PDE4D: variants seen among roughly 807,000 people sequenced by gnomAD.
PDE4D encodes the protein 3',5'-cyclic-AMP phosphodiesterase 4D.
PDE4D carries 24 observed loss-of-function variants against 87.4 expected under a neutral mutation model. That is an observed-to-expected ratio of 0.27 (90% CI 0.20 to 0.39). The LOEUF is 0.39. Among genes scored for constraint, PDE4D ranks in the 10% least tolerant of loss-of-function variants. The pLI, the probability that PDE4D is intolerant of heterozygous loss-of-function variation, is 1.00. For missense variants in PDE4D, 714 were observed against 1,041.0 expected (o/e 0.69, Z 4.32); for synonymous variants, 384 against 383.2 (o/e 1.00, Z -0.02).
intron 2 of PDE4D, among the ~76,000 whole-genome samples, chr5:60,013,104 G>T (rs1388287282): frequency 6.6e-6 from 1 of 152,042 alleles, no homozygotes; most frequent in Non-Finnish European, 1.5e-5. Flanking sequence ...ATCTGGTTTA[G>T]ATTCATGAGT....
chr5:59,066,526 A>G (rs1437336339), intron 5 of PDE4D, among the ~76,000 whole-genome samples: 1 of 152,154 alleles, frequency 6.6e-6, no homozygotes, highest in African/African-American at 2.4e-5. Flanking sequence ...GGCTGCAGAG[A>G]TGGGCTGGAG....
At chr5:59,760,560 T>A (rs1355084084) in intron 1 of PDE4D, among the ~76,000 whole-genome samples, 1 of 152,206 alleles carries the variant, frequency 6.6e-6, no homozygotes, top group Non-Finnish European at 1.5e-5. Context: ...GAGCACAGTA[T>A]AAATTGACAA....
At chr5:59,925,092 G>A (rs542668842) in intron 3 of PDE4D, among the ~76,000 whole-genome samples, 50 of 147,484 alleles carry the variant, frequency 3.4e-4, no homozygotes, top group African/African-American at 1.1e-3. Flanking sequence ...GGAGAATGGC[G>A]TGAACCCAGG....
chr5:59,662,739 T>G (rs147293719), intron 1 of PDE4D, among the ~76,000 whole-genome samples: 98 of 152,336 alleles, frequency 6.4e-4, no homozygotes, highest in African/African-American at 2.1e-3. Flanking sequence ...TATTTTAATT[T>G]TATAATATTC....
intron 1 of PDE4D, among the ~76,000 whole-genome samples, chr5:59,549,444 A>G (rs879370518): frequency 2.0e-5 from 3 of 152,164 alleles, no homozygotes; most frequent in Non-Finnish European, 4.4e-5. Context: ...TTTTCCACCA[A>G]TTTTTAGAGC....
intron 2 of PDE4D, among the ~76,000 whole-genome samples, chr5:60,174,773 C>T (rs1187442833): frequency 8.5e-5 from 13 of 152,130 alleles, no homozygotes; most frequent in Non-Finnish European, 1.5e-5. Flanking sequence ...GAGAAATTTG[C>T]TGTAATTCTT....
At chr5:59,229,371 A>C (rs1754623397) in intron 1 of PDE4D, among the ~76,000 whole-genome samples, 1 of 152,154 alleles carries the variant, frequency 6.6e-6, no homozygotes, top group Non-Finnish European at 1.5e-5. Flanking sequence ...TTGGTCACTT[A>C]TTTAAAGAAA....
intron 1 of PDE4D, among the ~76,000 whole-genome samples, chr5:59,279,610 T>C (rs1765452201): frequency 6.6e-6 from 1 of 152,088 alleles, no homozygotes; most frequent in Non-Finnish European, 1.5e-5. Flanking sequence ...TAACTACTAA[T>C]TATTAATTAC....
intron 1 of PDE4D, among the ~76,000 whole-genome samples, chr5:60,441,383 A>G (rs1745198599): frequency 6.6e-6 from 1 of 152,188 alleles, no homozygotes; most frequent in African/African-American, 2.4e-5. Flanking sequence ...CTGGCTAGCC[A>G]TAAGCAGAAA....
chr5:59,138,088 G>A (rs1055399848), intron 5 of PDE4D, among the ~76,000 whole-genome samples: 1 of 152,206 alleles, frequency 6.6e-6, no homozygotes, highest in African/African-American at 2.4e-5. Flanking sequence ...CAAGAGAAAA[G>A]CTAAACACTG....
intron 1 of PDE4D, among the ~76,000 whole-genome samples, chr5:60,499,615 G>A (rs1749973889): frequency 2.0e-5 from 3 of 152,216 alleles, no homozygotes; most frequent in African/African-American, 4.8e-5. Context: ...CCAAAACTTG[G>A]TGCTTATTTT....
At chr5:59,653,429 T>C (rs887259986) in intron 1 of PDE4D, among the ~76,000 whole-genome samples, 3 of 152,082 alleles carry the variant, frequency 2.0e-5, no homozygotes, top group African/African-American at 7.2e-5. Context: ...AACAAATGTT[T>C]TTAAGGGCAG....
At chr5:59,595,029 C>T (rs895852597) in intron 1 of PDE4D, among the ~76,000 whole-genome samples, 3 of 151,906 alleles carry the variant, frequency 2.0e-5, no homozygotes, top group South Asian at 2.1e-4. Context: ...TTGCTGTGAA[C>T]CTAAAAATGC....
chr5:60,247,809 C>A (rs1029105047), intron 1 of PDE4D, among the ~76,000 whole-genome samples: 2 of 151,980 alleles, frequency 1.3e-5, no homozygotes, highest in Non-Finnish European at 2.9e-5. Flanking sequence ...TTACTGTCAA[C>A]AAGTTATATG....
intron 2 of PDE4D, among the ~76,000 whole-genome samples, chr5:60,104,764 G>A (rs1562097877): frequency 1.3e-5 from 2 of 152,184 alleles, no homozygotes. Context: ...GTCTGGAGTG[G>A]ACCTCTAGCA....
intron 1 of PDE4D, among the ~76,000 whole-genome samples, chr5:60,212,607 TG>T (rs1171903771): frequency 4.6e-5 from 7 of 152,288 alleles, no homozygotes; most frequent in Non-Finnish European, 2.9e-5. Flanking sequence ...TGCCTAACAA[TG>T]ACGCCAATAC....
intron 3 of PDE4D, among the ~76,000 whole-genome samples, chr5:59,940,869 G>A (rs994414527): frequency 6.6e-6 from 1 of 152,138 alleles, no homozygotes; most frequent in Non-Finnish European, 1.5e-5. Flanking sequence ...CACACTGGCT[G>A]CATTCATTCT....
At chr5:59,508,606 G>A (rs1562305427) in intron 1 of PDE4D, among the ~76,000 whole-genome samples, 1 of 151,740 alleles carries the variant, frequency 6.6e-6, no homozygotes, top group Admixed American at 6.6e-5. Context: ...GGAATAAACT[G>A]CACAGGTAGA....
chr5:60,160,026 A>AT (rs1404547482), intron 2 of PDE4D, among the ~76,000 whole-genome samples: 2 of 152,194 alleles, frequency 1.3e-5, no homozygotes, highest in Non-Finnish European at 2.9e-5. Context: ...AGACAGCAAG[A>AT]TCAACCTGAC....
Sources: allele counts gnomAD v4.1 joint callset (sites outside exome capture counted in the v4.1 genomes callset), GRCh38; gene constraint gnomAD v4.1.1; transcripts MANE v1.5; gene names NCBI Gene and HGNC (gene_info 2026-07-23, HGNC 2026-07-21).